IFT172: variants seen among roughly 807,000 people sequenced by gnomAD.
IFT172 encodes intraflagellar transport 172, also known as intraflagellar transport protein 172 homolog.
Under a neutral mutation model 248.9 loss-of-function variants are expected in IFT172, and 164 were observed. The observed-to-expected ratio is 0.66, with a 90% CI of 0.58 to 0.75. The LOEUF (loss-of-function observed/expected upper bound fraction) is 0.75, where lower values mean the gene tolerates loss of function less well. Ranked by LOEUF, IFT172 falls within the 30% of genes least tolerant of loss-of-function variation. The pLI is 0.00. For synonymous variants in IFT172, 729 were observed against 791.6 expected (o/e 0.92, Z 1.33); for missense variants, 1,950 against 2,192.4 (o/e 0.89, Z 2.21).
At position 27,445,445 on chromosome 2, in the gene IFT172, G is replaced by A; in HGVS notation, c.4919C>T (p.Ala1640Val). 6.2e-7 allele frequency: 1 copy of A among 1,610,246 alleles called. No individual in the cohort carries two copies. The highest frequency in any genetic ancestry group is 1.1e-5 in the South Asian group (1 of 90,332). The change falls in exon 46 of 48, where the codon GCT (alanine) becomes GTT (valine). Residue 1640 changes from alanine (A) to valine (V), a missense_variant. By Grantham distance (64) the Ala-to-Val change is moderately conservative. This residue lies in a region of IFT172 where 620 missense variants were observed against 699.0 expected (regional missense o/e 0.89). Transcript: ENST00000260570. This position sits in a 1 kb window ranked among gnomAD's most constrained non-coding sequence, Gnocchi z 4.4. ...PLPAKQHVPE[A>V]EREEVRDWVL... ...CCAGTCTCGAACCTCTTCTCTCTCAGCCTCCTGGAAAGGACAAGAAGGGAG... is the reference window on the plus strand; with the variant it reads ...CCAGTCTCGAACCTCTTCTCTCTCAACCTCCTGGAAAGGACAAGAAGGGAG...
chr2:27,450,469 T>C (rs555796652), intron 35 of IFT172, among the ~76,000 whole-genome samples: 45 of 152,300 alleles, frequency 3.0e-4, no homozygotes, highest in Non-Finnish European at 5.3e-4. Context: ...TCTGTAACTA[T>C]TTGTGTTGGG....
At chr2:27,463,806 T>TA (rs1666873645) in intron 18 of IFT172, among the ~76,000 whole-genome samples, 1 of 152,096 alleles carries the variant, frequency 6.6e-6, no homozygotes, top group Admixed American at 6.5e-5. Flanking sequence ...TAAGGCTCTA[T>TA]AGCAGGTATG....
At chr2:27,446,862 G>A (rs2148470582) in intron 42 of IFT172, among the ~76,000 whole-genome samples, 1 of 151,226 alleles carries the variant, frequency 6.6e-6, no homozygotes, top group South Asian at 2.1e-4. Context: ...ACCGTGCCTG[G>A]CTAATTTTTT....
chr2:27,453,327 C>T (rs1278451208), intron 35 of IFT172, 57 bp downstream of exon 35: 2 of 1,605,434 alleles, frequency 1.2e-6, no homozygotes, highest in African/African-American at 2.7e-5. Context: ...GAAGCAGAGC[C>T]AAGTGTGAAT....
chr2:27,445,545 C>A lies in IFT172; in HGVS notation c.4915-96G>T, dbSNP rs990755619. 1 of 1,411,724 alleles carries A rather than the reference C, an allele frequency of 7.1e-7. No homozygotes were observed. The highest frequency in any genetic ancestry group is 9.6e-7 in the Non-Finnish European group (1 of 1,039,362). The allele number at this position is 1,411,724 out of a possible 1,614,324, so 87.4% of individuals were successfully genotyped here. A position where few individuals can be genotyped will look rare whatever the true frequency, so the allele number is the denominator to read the frequency against. On this transcript the variant is annotated intron_variant, in intron 45 of 47. Coordinates refer to ENST00000260570, the MANE Select transcript of IFT172 (RefSeq NM_015662.3). This position sits in a 1 kb window ranked among gnomAD's most constrained non-coding sequence, Gnocchi z 4.4. ...GGAGGGGGTTTGCTAAGCCCTCATC[C>A]TGTATACCAGCTTTTAGCCACGAAT...
chr2:27,483,746 A>C, intron 5 of IFT172, 87 bp from the exon 6 acceptor site: 1 of 1,494,072 alleles, frequency 6.7e-7, no homozygotes, highest in South Asian at 1.1e-5. Context: ...CTGTCCCACA[A>C]AACTGGTCCC....
Position 27,444,506 on chromosome 2 carries a change from C to G in IFT172, c.5176G>C (p.Val1726Leu), listed in dbSNP as rs1451217519. 5 of 1,613,460 alleles carry G rather than the reference C, an allele frequency of 3.1e-6. No homozygotes were observed. Among genetic ancestry groups the G allele is most frequent in the Non-Finnish European group, 4.2e-6 (5 of 1,179,762 alleles). ...LMAIKTSHSP[V>L]CQDVLKFISQ... is the part of the protein sequence containing the mutation. ...ATGAATTTCAGCACGTCCTGGCACACTGGGCTGTGGGAGGTCTGTGAGCAA... is the reference window on the plus strand; with the variant it reads ...ATGAATTTCAGCACGTCCTGGCACAGTGGGCTGTGGGAGGTCTGTGAGCAA... Residue 1726 changes from valine (V) to leucine (L), a missense_variant, in exon 48 of 48, where the codon GTG becomes CTG. Val to Leu is a conservative substitution (Grantham distance 32, BLOSUM62 1). Transcript: ENST00000260570.
chr2:27,452,597 T>C (rs1572732045), intron 35 of IFT172, among the ~76,000 whole-genome samples: 1 of 152,174 alleles, frequency 6.6e-6, no homozygotes, highest in Non-Finnish European at 1.5e-5. Context: ...TAGGTAGAGG[T>C]TGCGTAGAGC....
Position 27,465,731 on chromosome 2 carries a change from T to C in IFT172, c.1829+15A>G. On this transcript the variant is annotated intron_variant, in intron 17 of 47. Transcript: ENST00000260570. ...ACTCTCCCACCACCTCACTGGTTAT[T>C]GGCCAGCCTCTCACCGGATGTAGTT... 6.2e-7 allele frequency: 1 copy of C among 1,614,086 alleles called. No homozygotes were observed.
chr2:27,449,295 T>C lies in IFT172; in HGVS notation c.4310A>G (p.Gln1437Arg), dbSNP rs773808458. The C allele has an allele frequency of 4.3e-6, 7 of 1,614,042 alleles. No homozygotes were observed. In the African/African-American group the frequency reaches 8.0e-5, roughly 18 times the overall value. The change falls in exon 39 of 48, where the codon CAG (glutamine) becomes CGG (arginine). Residue 1437 changes from glutamine to arginine, a missense_variant and splice_region_variant. Gln to Arg is a conservative substitution (Grantham distance 43). Coordinates refer to ENST00000260570, the MANE Select transcript of IFT172 (RefSeq NM_015662.3). The part of the protein sequence containing the change: ...WDKCIETATK[Q>R]NYKILHKYVA... ...CTGGGAATGGGAAGAGAGCAGTACCTGCTTGGTAGCTGTTTCAATGCACTT... is the reference window on the plus strand; with the variant it reads ...CTGGGAATGGGAAGAGAGCAGTACCCGCTTGGTAGCTGTTTCAATGCACTT...
At chr2:27,457,574 G>GA (rs937279419) in intron 29 of IFT172, 65 bp downstream of exon 29, 339 of 1,433,522 alleles carry the variant, frequency 2.4e-4, no homozygotes, top group Non-Finnish European at 3.2e-4. Flanking sequence ...GACCCTTTCT[G>GA]AAAAAAAGGA....
At chr2:27,463,280 G>A in intron 18 of IFT172, 99 bp from the exon 19 acceptor site, 1 of 1,092,030 alleles carries the variant, frequency 9.2e-7, no homozygotes, top group Non-Finnish European at 1.3e-6. Context: ...TCTATGATGT[G>A]CCAGCCAATG....
rs1293832915 is a variant in IFT172, at chr2:27,483,818, C to T, written c.402+54G>A. On this transcript the variant is annotated intron_variant, in intron 5 of 47. Coordinates refer to ENST00000260570, the MANE Select transcript of IFT172 (RefSeq NM_015662.3). ...AAGAGGATGAACCATATTCCTCTCT[C>T]CAGAACCATTATCCCTACCACCCCC... is the stretch of plus-strand genomic sequence containing the variant. The T allele has an allele frequency of 6.6e-6, 10 of 1,509,990 alleles. No homozygotes were observed. In the Admixed American group the frequency reaches 1.7e-4, roughly 25 times the overall value. The allele number at this position is 1,509,990 out of a possible 1,614,324, so 93.5% of individuals were successfully genotyped here.
At chr2:27,447,433 C>G in intron 42 of IFT172, 82 bp downstream of exon 42, 1 of 1,540,914 alleles carries the variant, frequency 6.5e-7, no homozygotes, top group East Asian at 2.3e-5. Flanking sequence ...GCTGAAGAAT[C>G]CAGAACGTGA....
In IFT172 at chr2:27,477,261, G is replaced by A. The variant is rs1235053777; in HGVS notation, c.1281C>T (p.Thr427=). 1 of 1,614,088 alleles carries A rather than the reference G, an allele frequency of 6.2e-7. No individual in the cohort carries two copies. Among genetic ancestry groups the A allele is most frequent in the Non-Finnish European group, 8.5e-7 (1 of 1,180,024 alleles). Reference sequence around the variant, plus strand: ...TGAATTCAGTGCGTACAGAACCCAGGGTGTCATTATTCCCATATTCCACCA... The same window carrying A: ...TGAATTCAGTGCGTACAGAACCCAGAGTGTCATTATTCCCATATTCCACCA... ...LTLVEYGNND[T]LGSVRTEFMN... is the part of the protein sequence containing the mutation. The change falls in exon 13 of 48, where the codon ACC becomes ACT. Residue 427 remains threonine, a synonymous_variant. Transcript: ENST00000260570.
chr2:27,487,490 T>G (rs1442815718), intron 1 of IFT172, among the ~76,000 whole-genome samples: 1 of 152,238 alleles, frequency 6.6e-6, no homozygotes, highest in Non-Finnish European at 1.5e-5. Flanking sequence ...GATGCTATTA[T>G]TATCCCCCTT....
At chr2:27,444,818 T>C (rs1158974264) in intron 47 of IFT172, among the ~76,000 whole-genome samples, 196 bp downstream of exon 47, 3 of 152,124 alleles carry the variant, frequency 2.0e-5, no homozygotes, top group Non-Finnish European at 4.4e-5. Context: ...CGGCTAACTT[T>C]TGTATTTTTA....
In IFT172 at chr2:27,453,979, C is replaced by A; in HGVS notation, c.3711+3G>T. 1 of 1,609,696 alleles carries A rather than the reference C, an allele frequency of 6.2e-7. No homozygotes were observed. The highest frequency in any genetic ancestry group is 2.2e-5 in the East Asian group (1 of 44,878). ...CCTCATGGCCCTGCATCCAGTGCCC[C>A]ACCTTATAATAATTGAGGGCCAGGC... On this transcript the variant is annotated splice_donor_region_variant and intron_variant, in intron 33 of 47. Transcript: ENST00000260570.
intron 12 of IFT172, 40 bp from the exon 13 acceptor site, chr2:27,477,360 T>C: frequency 1.3e-6 from 2 of 1,570,534 alleles, no homozygotes; most frequent in Non-Finnish European, 1.8e-6. Flanking sequence ...AAAGGCTACA[T>C]GAAGAAAAAC....
Sources: allele counts gnomAD v4.1 joint callset (sites outside exome capture counted in the v4.1 genomes callset), GRCh38; gene constraint gnomAD v4.1.1; regional missense constraint gnomAD v4.1.1; non-coding constraint Gnocchi (gnomAD v3.1); transcripts MANE v1.5; gene names NCBI Gene and HGNC (gene_info 2026-07-23, HGNC 2026-07-21).